Variants in AFAP1L2 observed in about 807,000 individuals in gnomAD.
The protein encoded by AFAP1L2 is actin filament associated protein 1 like 2, also known as actin filament-associated protein 1-like 2.
Under a neutral mutation model 99.3 loss-of-function variants are expected in AFAP1L2, and 46 were observed. The observed-to-expected ratio is 0.46, with a 90% CI of 0.37 to 0.59. AFAP1L2 has a LOEUF of 0.59. AFAP1L2 is among the 20% of genes least tolerant of loss of function. The pLI is 0.00. For missense variants in AFAP1L2, 959 were observed against 1,034.9 expected, an observed-to-expected ratio of 0.93 and a Z score of 1.01; for synonymous variants, 397 against 419.1, an observed-to-expected ratio of 0.95 and a Z score of 0.64.
chr10:114,294,956 C>T lies in AFAP1L2; in HGVS notation c.*1086G>A. 1.0e-6 allele frequency: 1 copy of T among 980,496 alleles called. No homozygotes were observed. The highest frequency in any genetic ancestry group is 1.2e-6 in the Non-Finnish European group (1 of 828,890). The allele number at this position is 980,496 out of a possible 1,614,324, so 60.7% of individuals were successfully genotyped here. A position where few individuals can be genotyped will look rare whatever the true frequency, so the allele number is the denominator to read the frequency against. On this transcript the variant is annotated 3_prime_UTR_variant, in exon 19 of 19. Coordinates refer to ENST00000304129, the MANE Select transcript of AFAP1L2 (RefSeq NM_001001936.3). Reference sequence around the variant, plus strand: ...GTTCTCAGGAACAAGTGTTAGAGAACTGATACACAACCCTCCAGAAATGAG... The same window carrying T: ...GTTCTCAGGAACAAGTGTTAGAGAATTGATACACAACCCTCCAGAAATGAG...
chr10:114,404,485 C>G lies in AFAP1L2; in HGVS notation c.-30G>C, dbSNP rs368535865. 228 of 1,534,052 alleles carry G rather than the reference C, an allele frequency of 1.5e-4. 2 individuals carry two copies. The African/African-American group carries it at 2.6e-3, about 18-fold the overall frequency. On this transcript the variant is annotated 5_prime_UTR_variant, in exon 1 of 19. Transcript: ENST00000304129. ...GCCACGGAGTGCGCTCCTCGCGGCT[C>G]GGCTTCTGCGCTGCTCTCCCGGCGC...
chr10:114,290,043 G>T, downstream of AFAP1L2: 1 of 558,670 alleles, frequency 1.8e-6, no homozygotes, highest in South Asian at 2.8e-5. Context: ...CTGAGCAATG[G>T]ACTCTCCATG....
chr10:114,328,939 AG>A (rs2046837206), intron 4 of AFAP1L2, among the ~76,000 whole-genome samples: 1 of 152,206 alleles, frequency 6.6e-6, no homozygotes, highest in Admixed American at 6.5e-5. Flanking sequence ...GGACCTAGCC[AG>A]GGGACTCGCA....
intron 6 of AFAP1L2, among the ~76,000 whole-genome samples, chr10:114,314,691 C>A (rs2043830493): frequency 6.6e-6 from 1 of 152,162 alleles, no homozygotes; most frequent in Non-Finnish European, 1.5e-5. Flanking sequence ...AATTTCAAAT[C>A]AGGACACGCA....
rs1180226323 is a variant in AFAP1L2, at chr10:114,305,364, C to A, written c.1073-434G>T. Among the ~76,000 whole-genome samples, 4 of 130,514 alleles carry A rather than the reference C, an allele frequency of 3.1e-5. No homozygotes were observed. In the South Asian group the frequency reaches 7.8e-4, roughly 25 times the overall value. 85.6% of individuals were successfully genotyped at this position (130,514 alleles called of 152,430 possible). On this transcript the variant is annotated intron_variant, in intron 10 of 18. Coordinates refer to ENST00000304129, the MANE Select transcript of AFAP1L2 (RefSeq NM_001001936.3). ...GAGGGGACTGGGCTGCAGGAGGGAG[C>A]GGGGCTGCAGGAGAGAGCGGGGCTG...
At chr10:114,281,200 T>C in the AFAP1L2 span, 1 of 152,250 alleles carries the variant, frequency 6.6e-6, no homozygotes, top group African/African-American at 2.4e-5. Flanking sequence ...TGGAGAACTT[T>C]AGGGAATGTT....
chr10:114,343,089 T>A (rs2049037047), intron 1 of AFAP1L2, among the ~76,000 whole-genome samples: 2 of 152,222 alleles, frequency 1.3e-5, no homozygotes, highest in African/African-American at 2.4e-5. Flanking sequence ...AGAAGTCCAC[T>A]AAAAATCCAG....
intron 7 of AFAP1L2, among the ~76,000 whole-genome samples, chr10:114,311,127 G>A (rs2043178586): frequency 6.6e-6 from 1 of 152,184 alleles, no homozygotes; most frequent in Non-Finnish European, 1.5e-5. Flanking sequence ...CAGGAAGAGG[G>A]CGTGAGACTC....
chr10:114,281,830 G>C, the AFAP1L2 span: 1 of 838,414 alleles, frequency 1.2e-6, no homozygotes, highest in Non-Finnish European at 1.4e-6. Flanking sequence ...GGAAAGTGAA[G>C]ACCAGAGGAG....
At chr10:114,318,344 C>T (rs1383036101) in intron 5 of AFAP1L2, among the ~76,000 whole-genome samples, 1 of 152,102 alleles carries the variant, frequency 6.6e-6, no homozygotes, top group Non-Finnish European at 1.5e-5. Context: ...CCACATGTTT[C>T]ATGAAGAATT....
intron 2 of AFAP1L2, 55 bp from the exon 3 acceptor site, chr10:114,333,350 C>T (rs1256476095): frequency 1.1e-5 from 16 of 1,435,066 alleles, no homozygotes; most frequent in South Asian, 5.7e-5. Flanking sequence ...GAAAGGGCCT[C>T]CAGCTAGAAA....
chr10:114,296,074 G>T lies in AFAP1L2; in HGVS notation c.2431-6C>A. 1.2e-6 allele frequency: 2 copies of T among 1,614,008 alleles called. No individual in the cohort carries two copies. The highest frequency in any genetic ancestry group is 8.5e-7 in the Non-Finnish European group (1 of 1,179,960). On this transcript the variant is annotated splice_region_variant and splice_polypyrimidine_tract_variant and intron_variant, in intron 18 of 18. Coordinates refer to ENST00000304129, the MANE Select transcript of AFAP1L2 (RefSeq NM_001001936.3). ...GCTCCTTTCTTCTCCCATTCCTAGG[G>T]TACCATTCAAATACCAGCACCCACC...
At chr10:114,381,424 A>G (rs2055602835) in intron 1 of AFAP1L2, among the ~76,000 whole-genome samples, 1 of 152,202 alleles carries the variant, frequency 6.6e-6, no homozygotes, top group South Asian at 2.1e-4. Context: ...AATAAAAGGT[A>G]CAAGGTTTTT....
intron 6 of AFAP1L2, among the ~76,000 whole-genome samples, chr10:114,315,275 G>A (rs1014879442): frequency 1.4e-5 from 2 of 146,404 alleles, no homozygotes; most frequent in Admixed American, 1.4e-4. Context: ...AGATGTATCT[G>A]TCTCACAAAG....
intron 1 of AFAP1L2, chr10:114,362,887 A>G (rs1239316991): frequency 1.1e-6 from 1 of 921,616 alleles, no homozygotes; most frequent in Non-Finnish European, 1.3e-6. Flanking sequence ...ATTTGAAAAC[A>G]TTCACTCTGC....
chr10:114,298,842 A>G (rs1366928441), intron 16 of AFAP1L2, among the ~76,000 whole-genome samples: 1 of 152,236 alleles, frequency 6.6e-6, no homozygotes, highest in Non-Finnish European at 1.5e-5. Flanking sequence ...ATGAAGGCTG[A>G]TGCATTAACA....
the AFAP1L2 span, among the ~76,000 whole-genome samples, chr10:114,288,390 C>T: frequency 6.6e-6 from 1 of 152,246 alleles, no homozygotes; most frequent in Non-Finnish European, 1.5e-5. Context: ...CCATTTTGTC[C>T]ATACAGCATC....
intron 1 of AFAP1L2, among the ~76,000 whole-genome samples, chr10:114,391,166 T>C (rs1230593850): frequency 1.3e-5 from 2 of 152,172 alleles, no homozygotes; most frequent in Non-Finnish European, 2.9e-5. Context: ...AATCCAACTC[T>C]AAGAAAACCT....
rs1011669648 is a variant in AFAP1L2, at chr10:114,340,646, C to T, written c.102G>A (p.Lys34=). ...ENLSSTALVK[K]SCLAELLRLY... ...GCCGGAGGAGCTCCGCCAGGCAGCT[C>T]TTCTTCACCAGTGCTGTGCTGCTCA... Residue 34 remains lysine, a synonymous_variant, in exon 2 of 19, where the codon AAG becomes AAA. Coordinates refer to ENST00000304129, the MANE Select transcript of AFAP1L2 (RefSeq NM_001001936.3). The T allele has an allele frequency of 8.1e-6, 13 of 1,614,108 alleles. No homozygotes were observed. The highest frequency in any genetic ancestry group is 1.1e-5 in the Non-Finnish European group (13 of 1,180,058).
Sources: gnomAD v4.1 joint callset for allele counts (sites outside exome capture counted in the v4.1 genomes callset) on GRCh38, gnomAD v4.1.1 for gene constraint, MANE v1.5 for transcripts, NCBI Gene and HGNC (gene_info 2026-07-23, HGNC 2026-07-21) for gene names.